Variants in PGM2 observed in about 807,000 individuals in gnomAD.
The protein encoded by PGM2 is phosphopentomutase.
In PGM2, 57 loss-of-function variants were observed where a neutral mutation model predicts 74.6. That is an observed-to-expected ratio of 0.76 (90% CI 0.62 to 0.95). PGM2 has a LOEUF of 0.95. Among genes scored for constraint, PGM2 ranks in the 40% least tolerant of loss-of-function variants. The pLI is 0.00. For synonymous variants in PGM2, 273 were observed against 260.7 expected, an observed-to-expected ratio of 1.05 and a Z score of -0.46; for missense variants, 706 against 741.9, an observed-to-expected ratio of 0.95 and a Z score of 0.56.
intron 6 of PGM2, among the ~76,000 whole-genome samples, chr4:37,842,437 T>A (rs1173645462): frequency 6.6e-6 from 1 of 151,928 alleles, no homozygotes; most frequent in Non-Finnish European, 1.5e-5. Context: ...AATATTTAAA[T>A]CTTTTGTTTC....
At chr4:37,842,374 TA>T (rs35817069) in intron 6 of PGM2, among the ~76,000 whole-genome samples, 12,427 of 151,654 alleles carry the variant, frequency 0.082, 964 homozygotes, top group East Asian at 0.18. Flanking sequence ...ATTAAAGTAA[TA>T]GCAAAATATT....
At chr4:37,855,246 C>G (rs1373704656) in intron 12 of PGM2, among the ~76,000 whole-genome samples, 1 of 152,236 alleles carries the variant, frequency 6.6e-6, no homozygotes, top group East Asian at 1.9e-4. Flanking sequence ...TGCTCTCTGC[C>G]TCTGTGAGTT....
chr4:37,858,074 TAATGA>T (rs1241604061), intron 13 of PGM2, among the ~76,000 whole-genome samples: 1 of 152,218 alleles, frequency 6.6e-6, no homozygotes, highest in Non-Finnish European at 1.5e-5. Flanking sequence ...CTTTCCTTTG[TAATGA>T]TAACACTATT....
intron 2 of PGM2, among the ~76,000 whole-genome samples, chr4:37,833,307 G>A (rs1358870156): frequency 6.6e-6 from 1 of 152,146 alleles, no homozygotes; most frequent in Non-Finnish European, 1.5e-5. Flanking sequence ...TGTAATCCGA[G>A]CACTTTAGGA....
intron 12 of PGM2, among the ~76,000 whole-genome samples, chr4:37,853,359 C>T (rs1024925082): frequency 8.0e-6 from 1 of 125,142 alleles, no homozygotes; most frequent in Non-Finnish European, 1.6e-5. Context: ...GGTGATATTC[C>T]TTTTTTTTTT....
At chr4:37,837,344 G>A (rs1436652685) in intron 3 of PGM2, among the ~76,000 whole-genome samples, 185 bp from the exon 4 acceptor site, 1 of 152,204 alleles carries the variant, frequency 6.6e-6, no homozygotes, top group South Asian at 2.1e-4. Context: ...AGTGAAATGA[G>A]ATGACTCCTG....
In PGM2 at chr4:37,840,971, T is replaced by G. The variant is rs1178201671; in HGVS notation, c.719+712T>G. ...AAGTGTGTGTGTGTGTGTGTATATA[T>G]ATATATATATATGTATGTTTTTAAA... On this transcript the variant is annotated intron_variant, in intron 6 of 13. Coordinates refer to ENST00000381967, the MANE Select transcript of PGM2 (RefSeq NM_018290.4). 3.4e-5 allele frequency among the ~76,000 whole-genome samples: 5 copies of G among 148,968 alleles called. 1 individual carries two copies. Among genetic ancestry groups the G allele is most frequent in the African/African-American group, 1.2e-4 (5 of 40,736 alleles).
intron 12 of PGM2, among the ~76,000 whole-genome samples, chr4:37,852,838 T>C (rs1726090134): frequency 6.6e-6 from 1 of 152,238 alleles, no homozygotes; most frequent in African/African-American, 2.4e-5. Context: ...TGATATGCTA[T>C]AGTATGGGTC....
At chr4:37,852,683 T>C (rs115475796) in intron 12 of PGM2, among the ~76,000 whole-genome samples, 4 of 152,344 alleles carry the variant, frequency 2.6e-5, no homozygotes, top group Non-Finnish European at 5.9e-5. Flanking sequence ...TTTCAGCAGA[T>C]AGTTAAGGCC....
chr4:37,849,988 A>G lies in PGM2; in HGVS notation c.1413-196A>G, dbSNP rs371295989. On this transcript the variant is annotated intron_variant, in intron 11 of 13. Coordinates refer to ENST00000381967, the MANE Select transcript of PGM2 (RefSeq NM_018290.4). ...TTTTTAGTAAAGACGAGGTTTCTCA[A>G]TGTTGGCCAGGTTGGTCTCATACTC... Among the ~76,000 whole-genome samples the G allele has an allele frequency of 9.2e-5, 14 of 151,726 alleles. No homozygotes were observed. In the South Asian group the frequency reaches 1.0e-3, roughly 11 times the overall value.
intron 6 of PGM2, among the ~76,000 whole-genome samples, chr4:37,842,559 T>C (rs1725759655): frequency 8.1e-5 from 1 of 12,398 alleles, no homozygotes; most frequent in African/African-American, 2.8e-4. Context: ...CTTTTTTTTC[T>C]TTTTTGACTA....
chr4:37,860,030 C>T (rs6814293), intron 13 of PGM2, among the ~76,000 whole-genome samples: 51 of 152,178 alleles, frequency 3.4e-4, no homozygotes, highest in Middle Eastern at 3.4e-3. Flanking sequence ...AAACCTTACA[C>T]GGTGGTACTG....
chr4:37,851,208 G>A (rs890554050), intron 12 of PGM2, among the ~76,000 whole-genome samples: 1 of 152,162 alleles, frequency 6.6e-6, no homozygotes, highest in African/African-American at 2.4e-5. Context: ...CAAGAAGGCT[G>A]GGGAAACAGA....
At chr4:37,846,502 T>C (rs557923791) in intron 8 of PGM2, among the ~76,000 whole-genome samples, 96 of 152,314 alleles carry the variant, frequency 6.3e-4, no homozygotes, top group Middle Eastern at 3.4e-3. Flanking sequence ...CTGAGCTTGA[T>C]CTTAAGGGGT....
Position 37,839,161 on chromosome 4 carries a change from C to T in PGM2, c.442-687C>T, listed in dbSNP as rs192120667. Among the ~76,000 whole-genome samples the T allele has an allele frequency of 4.8e-3, 694 of 144,222 alleles. 8 individuals are homozygous for T. Among genetic ancestry groups the T allele is most frequent in the African/African-American group, 0.017 (659 of 38,362 alleles). The allele number at this position is 144,222 out of a possible 152,430, so 94.6% of individuals were successfully genotyped here. A position where few individuals can be genotyped will look rare whatever the true frequency, so the allele number is the denominator to read the frequency against. ...GAGACAGAGTTTCGCTCTTGTCTCC[C>T]AGGCTGGAGTGCAATGGCAGGATCT... is the stretch of plus-strand genomic sequence containing the variant. On this transcript the variant is annotated intron_variant, in intron 4 of 13. Transcript: ENST00000381967.
intron 6 of PGM2, among the ~76,000 whole-genome samples, chr4:37,843,344 A>G (rs1323920131): frequency 1.3e-5 from 2 of 152,104 alleles, no homozygotes; most frequent in African/African-American, 4.8e-5. Context: ...TCCAAGATGC[A>G]TTTTATTTTC....
intron 6 of PGM2, among the ~76,000 whole-genome samples, chr4:37,843,929 A>G (rs959536014): frequency 2.6e-5 from 4 of 152,186 alleles, no homozygotes; most frequent in Non-Finnish European, 4.4e-5. Flanking sequence ...ATTTTGTTAA[A>G]AAGGACATTT....
chr4:37,839,072 T>G (rs1411492827), intron 4 of PGM2, among the ~76,000 whole-genome samples: 1 of 151,374 alleles, frequency 6.6e-6, no homozygotes, highest in African/African-American at 2.4e-5. Context: ...GAGTGAGAGA[T>G]AAATGAGGAA....
intron 1 of PGM2, among the ~76,000 whole-genome samples, chr4:37,829,088 T>C (rs999338028): frequency 1.3e-5 from 2 of 152,222 alleles, no homozygotes; most frequent in African/African-American, 2.4e-5. Flanking sequence ...GTCCTTCCTC[T>C]GTTGTTTTCC....
Sources: gnomAD v4.1 joint callset for allele counts (sites outside exome capture counted in the v4.1 genomes callset) on GRCh38, gnomAD v4.1.1 for gene constraint, MANE v1.5 for transcripts, NCBI Gene and HGNC (gene_info 2026-07-23, HGNC 2026-07-21) for gene names.